Variants in ZBBX observed in about 807,000 individuals in gnomAD.
ZBBX encodes the protein zinc finger B-box domain-containing protein 1.
A neutral mutation model predicts 108.5 loss-of-function variants in ZBBX; 101 were observed. The ratio of observed to expected loss-of-function variants is 0.93; its 90% CI spans 0.79 to 1.10. The LOEUF is 1.10. Ranked by LOEUF, ZBBX falls within the 50% of genes least tolerant of loss-of-function variation. The probability of loss-of-function intolerance (pLI) is 0.00; values close to 1 mark genes in which losing one functional copy is unlikely to be tolerated. For synonymous variants in ZBBX, 356 were observed against 323.4 expected (o/e 1.10, Z -1.08); for missense variants, 1,009 against 941.4 (o/e 1.07, Z -0.94).
At chr3:167,275,367 C>A in intron 20 of ZBBX, among the ~76,000 whole-genome samples, 1 of 152,086 alleles carries the variant, frequency 6.6e-6, no homozygotes, top group African/African-American at 2.4e-5. Flanking sequence ...ATCTGAGGTA[C>A]CGGGTTCATC....
intron 9 of ZBBX, among the ~76,000 whole-genome samples, chr3:167,342,232 G>A (rs1469051996): frequency 1.3e-5 from 2 of 151,604 alleles, no homozygotes; most frequent in African/African-American, 2.4e-5. Flanking sequence ...AATTTGTCAG[G>A]TTCCATGAAA....
chr3:167,407,566 C>T (rs763024906), intron 1 of ZBBX, among the ~76,000 whole-genome samples: 6 of 151,896 alleles, frequency 4.0e-5, no homozygotes, highest in African/African-American at 7.3e-5. Flanking sequence ...TCAATTAACA[C>T]GTTTTTTATT....
chr3:167,230,451 A>C, the ZBBX span, among the ~76,000 whole-genome samples: 1 of 151,840 alleles, frequency 6.6e-6, no homozygotes, highest in Non-Finnish European at 1.5e-5. Context: ...ATATTGTAAA[A>C]AGAAGATGCA....
the ZBBX span, among the ~76,000 whole-genome samples, chr3:167,182,122 AT>A: frequency 1.3e-5 from 2 of 151,858 alleles, no homozygotes; most frequent in Admixed American, 6.6e-5. Context: ...TGACTCGCTG[AT>A]TTTTTTTACA....
At chr3:167,356,670 C>G (rs955299284) in intron 8 of ZBBX, among the ~76,000 whole-genome samples, 1 of 152,058 alleles carries the variant, frequency 6.6e-6, no homozygotes, top group Admixed American at 6.6e-5. Flanking sequence ...AGAAATAATT[C>G]ATTCATTAAA....
chr3:167,322,802 C>T (rs1014600935), intron 11 of ZBBX, among the ~76,000 whole-genome samples: 3 of 151,978 alleles, frequency 2.0e-5, no homozygotes, highest in African/African-American at 7.2e-5. Context: ...CAGTGTAAAT[C>T]CATGATTACT....
the ZBBX span, among the ~76,000 whole-genome samples, chr3:167,206,679 AT>A: frequency 6.6e-6 from 1 of 152,094 alleles, no homozygotes; most frequent in East Asian, 1.9e-4. Flanking sequence ...AAGACCCCTA[AT>A]AGCAAAAACA....
chr3:167,260,905 T>C (rs941834372), intron 20 of ZBBX, among the ~76,000 whole-genome samples: 4 of 152,176 alleles, frequency 2.6e-5, no homozygotes, highest in African/African-American at 9.7e-5. Context: ...TGAAGAGCCT[T>C]GTTTTCTCAT....
chr3:167,371,799 T>C (rs965311528), intron 4 of ZBBX, among the ~76,000 whole-genome samples: 1 of 152,126 alleles, frequency 6.6e-6, no homozygotes, highest in African/African-American at 2.4e-5. Flanking sequence ...ACATTTCCAG[T>C]TTACACAATA....
intron 20 of ZBBX, 61 bp from the exon 21 acceptor site, chr3:167,242,704 A>G: frequency 7.1e-7 from 1 of 1,412,268 alleles, no homozygotes; most frequent in Admixed American, 2.2e-5. Context: ...TATACAGCAT[A>G]TGGTGCTGAA....
intron 21 of ZBBX, among the ~76,000 whole-genome samples, chr3:167,241,147 T>C (rs532336893): frequency 1.2e-4 from 18 of 152,276 alleles, no homozygotes; most frequent in Non-Finnish European, 2.1e-4. Flanking sequence ...CACAGTAGAA[T>C]CAAGGAGAGA....
At chr3:167,260,333 A>T (rs1252087130) in intron 20 of ZBBX, among the ~76,000 whole-genome samples, 1 of 152,102 alleles carries the variant, frequency 6.6e-6, no homozygotes, top group Non-Finnish European at 1.5e-5. Flanking sequence ...TTTTGCAGTG[A>T]ATTTCCCAGG....
intron 19 of ZBBX, among the ~76,000 whole-genome samples, chr3:167,287,612 C>T (rs531673439): frequency 2.6e-5 from 4 of 152,218 alleles, no homozygotes; most frequent in African/African-American, 9.6e-5. Context: ...CAAATTGATA[C>T]TTAAAAGCAT....
chr3:167,348,077 G>A (rs1156853550), intron 9 of ZBBX, among the ~76,000 whole-genome samples: 2 of 151,492 alleles, frequency 1.3e-5, no homozygotes, highest in Admixed American at 1.3e-4. Context: ...TACTATTTGT[G>A]GCTTACCAAC....
chr3:167,242,419 T>G (rs574275062), intron 21 of ZBBX, 86 bp downstream of exon 21: 3 of 1,186,526 alleles, frequency 2.5e-6, no homozygotes, highest in South Asian at 3.4e-5. Flanking sequence ...GGACAATCTT[T>G]CTATATATAA....
chr3:167,236,706 T>C (rs140108925), downstream of ZBBX, among the ~76,000 whole-genome samples: 431 of 151,876 alleles, frequency 2.8e-3, 2 homozygotes, highest in African/African-American at 9.9e-3. Context: ...TTCATTCCCC[T>C]ACTAATGACA....
chr3:167,376,623 G>A (rs531664833), intron 2 of ZBBX, among the ~76,000 whole-genome samples: 7 of 152,048 alleles, frequency 4.6e-5, no homozygotes, highest in Non-Finnish European at 1.0e-4. Flanking sequence ...AAAAATGAAC[G>A]AACTTCTGTA....
chr3:167,333,981 T>C lies in ZBBX; in HGVS notation c.533A>G (p.Lys178Arg), dbSNP rs11923054. Residue 178 changes from lysine (K) to arginine (R), a missense_variant, in exon 10 of 22, where the codon AAA becomes AGA. Transcript: ENST00000675490. ...CAATACATTGAATAATATTTGAGAT[T>C]TTGCCTATTAAAAAAGTAACAATAT... ...KLHRTTLLQAKSQILFNVLDV... is the reference protein window; with the variant it reads ...KLHRTTLLQARSQILFNVLDV... The C allele has an allele frequency of 0.39, 601,628 of 1,525,296 alleles. 123,995 individuals are homozygous for C. The highest frequency in any genetic ancestry group is 0.42 in the Non-Finnish European group (473,844 of 1,135,244). The allele number at this position is 1,525,296 out of a possible 1,614,324, so 94.5% of individuals were successfully genotyped here. A position where few individuals can be genotyped will look rare whatever the true frequency, so the allele number is the denominator to read the frequency against.
chr3:167,253,957 A>G lies in ZBBX; in HGVS notation c.2255-11314T>C, dbSNP rs138398777. Among the ~76,000 whole-genome samples the G allele has an allele frequency of 2.6e-5, 4 of 152,332 alleles. No homozygotes were observed. The East Asian group carries it at 7.7e-4, about 29-fold the overall frequency. On this transcript the variant is annotated intron_variant, in intron 20 of 21. Transcript: ENST00000675490. ...CAAAATTAACCTCAAAGATGGAGCA[A>G]CAACATGACAGGCATCAAAGGAAAA...
Sources: allele counts gnomAD v4.1 joint callset (sites outside exome capture counted in the v4.1 genomes callset), GRCh38; gene constraint gnomAD v4.1.1; transcripts MANE v1.5; gene names NCBI Gene and HGNC (gene_info 2026-07-23, HGNC 2026-07-21).